CPQ: variants seen among roughly 807,000 people sequenced by gnomAD.
The protein encoded by CPQ is Ser-Met dipeptidase.
Under a neutral mutation model 45.7 loss-of-function variants are expected in CPQ, and 37 were observed. The ratio of observed to expected loss-of-function variants is 0.81; its 90% confidence interval spans 0.62 to 1.07. The LOEUF (loss-of-function observed/expected upper bound fraction) is 1.07. CPQ is among the 50% of genes least tolerant of loss of function. The pLI is 0.00. For synonymous variants in CPQ, 186 were observed against 205.8 expected (o/e 0.90, Z 0.82); for missense variants, 537 against 572.9 (o/e 0.94, Z 0.64).
chr8:96,879,790 C>T lies in CPQ; in HGVS notation c.642-8C>T. The T allele has an allele frequency of 1.2e-6, 2 of 1,612,912 alleles. No individual in the cohort carries two copies. Among genetic ancestry groups the T allele is most frequent in the Non-Finnish European group, 1.7e-6 (2 of 1,179,004 alleles). On this transcript the variant is annotated splice_region_variant and splice_polypyrimidine_tract_variant and intron_variant, in intron 3 of 7. Coordinates refer to ENST00000220763, the MANE Select transcript of CPQ (RefSeq NM_016134.4). ...TTTCAAGGTAACCTGGTGGCTTCTTCTCTCAAGTCCTCACACAGGTATTCA... is the reference window on the plus strand; with the variant it reads ...TTTCAAGGTAACCTGGTGGCTTCTTTTCTCAAGTCCTCACACAGGTATTCA...
At chr8:97,071,734 A>G (rs1430195814) in intron 7 of CPQ, among the ~76,000 whole-genome samples, 3 of 152,210 alleles carry the variant, frequency 2.0e-5, no homozygotes, top group Non-Finnish European at 4.4e-5. Flanking sequence ...TGGCTGCAAA[A>G]TGAAACAGAA....
intron 4 of CPQ, among the ~76,000 whole-genome samples, chr8:96,963,830 T>A (rs1347817110): frequency 6.6e-6 from 1 of 152,152 alleles, no homozygotes; most frequent in African/African-American, 2.4e-5. Flanking sequence ...ACCCCCTTTT[T>A]GTCACAAACC....
At chr8:96,980,996 T>C (rs1813885329) in intron 5 of CPQ, among the ~76,000 whole-genome samples, 1 of 152,184 alleles carries the variant, frequency 6.6e-6, no homozygotes, top group African/African-American at 2.4e-5. Flanking sequence ...ATTTATAATA[T>C]TCCTGAGGAA....
chr8:96,899,469 A>C (rs989467522), intron 4 of CPQ, among the ~76,000 whole-genome samples: 3 of 152,186 alleles, frequency 2.0e-5, no homozygotes, highest in Non-Finnish European at 2.9e-5. Context: ...TAATTGGCTC[A>C]TGACTCTGGA....
At position 96,988,418 on chromosome 8, in the gene CPQ, A is replaced by G. The variant is rs569831770; in HGVS notation, c.961+22372A>G. Among the ~76,000 whole-genome samples the G allele has an allele frequency of 1.1e-4, 16 of 152,210 alleles. No homozygotes were observed. The South Asian group carries it at 3.3e-3, about 32-fold the overall frequency. On this transcript the variant is annotated intron_variant, in intron 5 of 7. Transcript: ENST00000220763. ...TTTTTATTTTGTTTTCTTTCTGTATATTTCAGACTGGGAAAAAATGTACTA... is the reference window on the plus strand; with the variant it reads ...TTTTTATTTTGTTTTCTTTCTGTATGTTTCAGACTGGGAAAAAATGTACTA...
rs149187627 is a variant in CPQ at position 96,855,087 on chromosome 8, T to G, written c.641+19907T>G. On this transcript the variant is annotated intron_variant, in intron 3 of 7. Transcript: ENST00000220763. Reference sequence around the variant, plus strand: ...GGAATTCTCTCTTCCTTGGGGAGGGTCAGCCTTTTTGTTCTATTTGGGCTT... The same window carrying G: ...GGAATTCTCTCTTCCTTGGGGAGGGGCAGCCTTTTTGTTCTATTTGGGCTT... 1.7e-4 allele frequency among the ~76,000 whole-genome samples: 26 copies of G among 152,138 alleles called. No individual in the cohort carries two copies. In the East Asian group the frequency reaches 4.6e-3, roughly 27 times the overall value.
intron 2 of CPQ, among the ~76,000 whole-genome samples, chr8:96,814,351 T>C (rs1252087386): frequency 6.6e-6 from 1 of 152,102 alleles, no homozygotes; most frequent in Non-Finnish European, 1.5e-5. Context: ...GGAAAGAACA[T>C]ATTTTTCACT....
intron 3 of CPQ, among the ~76,000 whole-genome samples, chr8:96,858,683 G>C (rs554469795): frequency 2.0e-5 from 3 of 152,254 alleles, no homozygotes; most frequent in Non-Finnish European, 4.4e-5. Context: ...AAAGCTATGT[G>C]TATTTCCCCA....
chr8:96,808,340 G>A (rs1811112752), intron 2 of CPQ, among the ~76,000 whole-genome samples: 3 of 152,178 alleles, frequency 2.0e-5, no homozygotes, highest in Non-Finnish European at 4.4e-5. Context: ...TGTCTAGGCT[G>A]GCTCTTGGGA....
At chr8:96,895,718 G>A (rs1248605215) in intron 4 of CPQ, among the ~76,000 whole-genome samples, 1 of 152,158 alleles carries the variant, frequency 6.6e-6, no homozygotes, top group Non-Finnish European at 1.5e-5. Context: ...GTGGCCATGT[G>A]CCCAAGTGTG....
At chr8:97,009,617 G>T (rs991388255) in intron 5 of CPQ, among the ~76,000 whole-genome samples, 1 of 152,168 alleles carries the variant, frequency 6.6e-6, no homozygotes, top group Non-Finnish European at 1.5e-5. Context: ...AAGACATACA[G>T]GTTGCCCTCT....
At chr8:96,804,061 G>A (rs1283155776) in intron 2 of CPQ, among the ~76,000 whole-genome samples, 1 of 152,152 alleles carries the variant, frequency 6.6e-6, no homozygotes, top group Non-Finnish European at 1.5e-5. Context: ...AAAGAGATGT[G>A]ACATTGAAGG....
intron 1 of CPQ, among the ~76,000 whole-genome samples, chr8:96,645,945 A>G (rs1290458173): frequency 6.6e-6 from 1 of 151,142 alleles, no homozygotes; most frequent in East Asian, 1.9e-4. Context: ...TAGGACTCAG[A>G]GCTACTCAAT....
chr8:96,831,263 T>A (rs973399348), intron 2 of CPQ, among the ~76,000 whole-genome samples: 43 of 152,136 alleles, frequency 2.8e-4, no homozygotes, highest in African/African-American at 9.9e-4. Context: ...TCACACATTA[T>A]GTGCTAGGCA....
intron 7 of CPQ, among the ~76,000 whole-genome samples, chr8:97,120,659 G>A (rs1290770533): frequency 6.6e-6 from 1 of 152,202 alleles, no homozygotes; most frequent in Non-Finnish European, 1.5e-5. Context: ...TAGATCTTAT[G>A]ATGTGGCTTT....
At chr8:96,945,115 G>A (rs1255122284) in intron 4 of CPQ, among the ~76,000 whole-genome samples, 1 of 152,092 alleles carries the variant, frequency 6.6e-6, no homozygotes, top group African/African-American at 2.4e-5. Context: ...GAGCTCTGGG[G>A]GAACTAATGC....
chr8:97,019,647 A>AT (rs1809643527), intron 5 of CPQ, among the ~76,000 whole-genome samples: 3 of 152,192 alleles, frequency 2.0e-5, no homozygotes, highest in Admixed American at 1.3e-4. Flanking sequence ...ATATAATGAT[A>AT]AAAGGCCTTG....
intron 4 of CPQ, among the ~76,000 whole-genome samples, chr8:96,896,132 T>G (rs1812439169): frequency 6.6e-6 from 1 of 152,164 alleles, no homozygotes; most frequent in African/African-American, 2.4e-5. Flanking sequence ...CAGTGCTTTC[T>G]CCATCCTTCA....
chr8:96,659,239 A>G (rs1210356417), intron 1 of CPQ: 2 of 152,100 alleles, frequency 1.3e-5, no homozygotes, highest in Non-Finnish European at 2.9e-5. Flanking sequence ...CTCTCATTTT[A>G]GTCTATACTC....
Sources: allele counts gnomAD v4.1 joint callset (sites outside exome capture counted in the v4.1 genomes callset), GRCh38; gene constraint gnomAD v4.1.1; transcripts MANE v1.5; gene names NCBI Gene and HGNC (gene_info 2026-07-23, HGNC 2026-07-21).